Variants in SLC22A25 observed in about 807,000 individuals in gnomAD.
SLC22A25 encodes the protein solute carrier family 22 member 25.
Under a neutral mutation model 45.9 loss-of-function variants are expected in SLC22A25, and 44 were observed. That is an observed-to-expected ratio of 0.96 (90% confidence interval 0.75 to 1.23). The LOEUF is 1.23. SLC22A25 is among the 50% of genes most tolerant of loss of function. The pLI is 0.00. For synonymous variants in SLC22A25, 283 were observed against 238.6 expected (o/e 1.19, Z -1.72); for missense variants, 800 against 666.4 (o/e 1.20, Z -2.21).
In SLC22A25 at chr11:63,229,382, A is replaced by G. The variant is rs1397272880; in HGVS notation, c.271T>C (p.Phe91Leu). ...SNLRPEKCRR[F>L]VHPQWKLIHL... ...ATGAGCTTCCACTGGGGATGGACAA[A>G]GCGACGACACTTCTCTGGCCTCAGA... The change falls in exon 4 of 12, where the codon TTT becomes CTT. Residue 91 changes from phenylalanine (F) to leucine (L), a missense_variant. By Grantham distance (22) the Phe-to-Leu change is conservative (BLOSUM62 0). Transcript: ENST00000306494. The G allele has an allele frequency of 6.2e-7, 1 of 1,614,114 alleles. No individual in the cohort carries two copies. The highest frequency in any genetic ancestry group is 8.5e-7 in the Non-Finnish European group (1 of 1,179,976).
intron 9 of SLC22A25, among the ~76,000 whole-genome samples, chr11:63,176,575 A>C (rs576636428): frequency 6.6e-6 from 1 of 152,072 alleles, no homozygotes; most frequent in African/African-American, 2.4e-5. Flanking sequence ...ACTAGATTGC[A>C]TTTGTTTATT....
intron 8 of SLC22A25, among the ~76,000 whole-genome samples, chr11:63,181,633 A>G (rs1207364974): frequency 2.0e-5 from 3 of 152,002 alleles, no homozygotes; most frequent in South Asian, 2.1e-4. Context: ...GTGGAGGACT[A>G]TGGTATTGTT....
At position 63,232,580 on chromosome 11, in the gene SLC22A25, G is replaced by C. The variant is rs541648487; in HGVS notation, c.-444-2484C>G. Among the ~76,000 whole-genome samples, 274 of 152,156 alleles carry C rather than the reference G, an allele frequency of 1.8e-3. 3 individuals carry two copies. The highest frequency in any genetic ancestry group is 5.7e-3 in the African/African-American group (237 of 41,504). On this transcript the variant is annotated intron_variant, in intron 3 of 11. Transcript: ENST00000306494. ...GATATACAATCATGTCATCTGCAAA[G>C]AGGGACAATTTGACTTCCTCTTTTC...
chr11:63,208,445 G>A (rs913672927), intron 7 of SLC22A25, among the ~76,000 whole-genome samples: 4 of 152,222 alleles, frequency 2.6e-5, no homozygotes, highest in Non-Finnish European at 5.9e-5. Context: ...CTAACAAAGT[G>A]AAAGTGGTTC....
intron 9 of SLC22A25, among the ~76,000 whole-genome samples, chr11:63,174,681 G>T (rs2088022049): frequency 1.3e-5 from 2 of 152,028 alleles, no homozygotes; most frequent in South Asian, 2.1e-4. Context: ...CACGAGTTCT[G>T]CCCTGTTAAC....
intron 9 of SLC22A25, 98 bp downstream of exon 9, chr11:63,180,562 C>T: frequency 1.2e-6 from 1 of 819,178 alleles, no homozygotes; most frequent in Non-Finnish European, 1.9e-6. Flanking sequence ...TCTTTTATCC[C>T]CCAAATATTT....
rs559769006 is a variant in SLC22A25, at chr11:63,196,344, C to T, written c.831-12527G>A. Among the ~76,000 whole-genome samples the T allele has an allele frequency of 1.6e-4, 24 of 152,234 alleles. No individual in the cohort carries two copies. In the East Asian group the frequency reaches 4.1e-3, roughly 26 times the overall value. On this transcript the variant is annotated intron_variant, in intron 7 of 11. Coordinates refer to ENST00000306494, the MANE Select transcript of SLC22A25 (RefSeq NM_199352.6). ...CCAATATCCCTGATGAACATCGATGCAAAAATCCTCAGTAAAATACTGGCA... is the reference window on the plus strand; with the variant it reads ...CCAATATCCCTGATGAACATCGATGTAAAAATCCTCAGTAAAATACTGGCA...
chr11:63,175,825 G>GTATATATATATATATATATATATA (rs5792280), intron 9 of SLC22A25, among the ~76,000 whole-genome samples: 75 of 150,290 alleles, frequency 5.0e-4, no homozygotes, highest in African/African-American at 1.8e-3. Context: ...AATTGGGTGT[G>GTATATATATATATATATATATATA]TATATATATA....
At position 63,229,578 on chromosome 11, in the gene SLC22A25, T is replaced by G; in HGVS notation, c.75A>C (p.Ile25=). Residue 25 remains isoleucine (I), a synonymous_variant, in exon 4 of 12, where the codon ATA becomes ATC. Coordinates refer to ENST00000306494, the MANE Select transcript of SLC22A25 (RefSeq NM_199352.6). ...RFQILQMVFL[I]MFNVIVYHQT... ...GATGGTATACTATGACGTTGAACAT[T>G]ATAAGGAAAACCATCTGAAGGATCT... 6.2e-7 allele frequency: 1 copy of G among 1,614,014 alleles called. No homozygotes were observed.
chr11:63,234,525 G>T (rs2090129334), intron 3 of SLC22A25, among the ~76,000 whole-genome samples: 1 of 152,118 alleles, frequency 6.6e-6, no homozygotes, highest in Non-Finnish European at 1.5e-5. Context: ...TTGAGCCTAT[G>T]TGTGTCTCTG....
At chr11:63,166,526 T>A (rs1210982086) in intron 9 of SLC22A25, 1 of 1,163,776 alleles carries the variant, frequency 8.6e-7, no homozygotes, top group Non-Finnish European at 1.1e-6. Flanking sequence ...AAGCAATGGA[T>A]TTTATTAGTA....
chr11:63,233,800 G>T (rs1467860292), intron 3 of SLC22A25, among the ~76,000 whole-genome samples: 1 of 152,206 alleles, frequency 6.6e-6, no homozygotes, highest in Non-Finnish European at 1.5e-5. Flanking sequence ...TCTACACACT[G>T]CTTTGAATGT....
At chr11:63,230,591 G>C (rs1038266084) in intron 3 of SLC22A25, among the ~76,000 whole-genome samples, 11 of 152,186 alleles carry the variant, frequency 7.2e-5, no homozygotes, top group African/African-American at 2.6e-4. Context: ...TCTTTAAAAT[G>C]TATACCTCAT....
chr11:63,183,067 A>C (rs2088387135), intron 8 of SLC22A25, among the ~76,000 whole-genome samples: 1 of 152,054 alleles, frequency 6.6e-6, no homozygotes. Context: ...AATACTTTAC[A>C]TTTACTTAAT....
Position 63,160,786 on chromosome 11 carries a change from G to T in SLC22A25, c.*3038C>A, listed in dbSNP as rs1044017267. On this transcript the variant is annotated 3_prime_UTR_variant, in exon 12 of 12. Coordinates refer to ENST00000306494, the MANE Select transcript of SLC22A25 (RefSeq NM_199352.6). ...AGAAGCAGAGCTGCCCAAGAGCATG[G>T]AAACCCACCTTTTGCATCATTGTGA... 6.6e-6 allele frequency among the ~76,000 whole-genome samples: 1 copy of T among 152,160 alleles called. No individual in the cohort carries two copies. Among genetic ancestry groups the T allele is most frequent in the Non-Finnish European group, 1.5e-5 (1 of 68,036 alleles).
intron 5 of SLC22A25, 98 bp downstream of exon 5, chr11:63,228,363 A>T (rs2090003042): frequency 2.1e-6 from 2 of 932,948 alleles, no homozygotes; most frequent in Non-Finnish European, 3.3e-6. Context: ...CAAGGGAGCA[A>T]CAGGATAGTG....
At chr11:63,166,284 ATAT>A in intron 9 of SLC22A25, 26 bp from the exon 10 acceptor site, 2 of 1,612,338 alleles carry the variant, frequency 1.2e-6, no homozygotes, top group South Asian at 1.1e-5. Context: ...AAAAAGGCAC[ATAT>A]TATAATCTGT....
chr11:63,163,950 G>T lies in SLC22A25; in HGVS notation c.1518C>A (p.Ile506=), dbSNP rs559175678. ...GGAGGAGGACAACAAGGCCAGAGAG[G>T]ATGGCAAAGACTCCATAGATGATCC... ...LPWIIYGVFA[I]LSGLVVLLLP... The change falls in exon 12 of 12, where the codon ATC becomes ATA. Residue 506 remains isoleucine (I), a synonymous_variant. Transcript: ENST00000306494. The T allele has an allele frequency of 1.1e-5, 17 of 1,613,916 alleles. No individual in the cohort carries two copies. The Admixed American group carries it at 2.0e-4, about 19-fold the overall frequency.
At chr11:63,175,072 G>A (rs933472494) in intron 9 of SLC22A25, among the ~76,000 whole-genome samples, 4 of 152,026 alleles carry the variant, frequency 2.6e-5, no homozygotes, top group Non-Finnish European at 5.9e-5. Context: ...TATGAATAAT[G>A]TTGCAATGAA....
Sources: gnomAD v4.1 joint callset for allele counts (sites outside exome capture counted in the v4.1 genomes callset) on GRCh38, gnomAD v4.1.1 for gene constraint, MANE v1.5 for transcripts, NCBI Gene and HGNC (gene_info 2026-07-23, HGNC 2026-07-21) for gene names.